PIEZO2: variants seen among roughly 807,000 people sequenced by gnomAD.
PIEZO2 encodes piezo-type mechanosensitive ion channel component 2.
PIEZO2 carries 172 observed loss-of-function variants against 337.3 expected under a neutral mutation model. The ratio of observed to expected loss-of-function variants is 0.51; its 90% confidence interval spans 0.45 to 0.58. PIEZO2 has a LOEUF of 0.58. Among genes scored for constraint, PIEZO2 ranks in the 20% least tolerant of loss-of-function variants. The pLI, the probability that PIEZO2 is intolerant of heterozygous loss-of-function variation, is 0.00. For missense variants in PIEZO2, 3,028 were observed against 3,391.3 expected (o/e 0.89, Z 2.66); for synonymous variants, 1,251 against 1,228.5 (o/e 1.02, Z -0.38).
At chr18:10,810,284 G>T (rs530041006) in intron 7 of PIEZO2, among the ~76,000 whole-genome samples, 2 of 152,260 alleles carry the variant, frequency 1.3e-5, no homozygotes, top group African/African-American at 4.8e-5. Context: ...GAGATGATCA[G>T]TCCCCAGTAG....
At chr18:11,114,322 A>G (rs1256696401) in intron 1 of PIEZO2, among the ~76,000 whole-genome samples, 1 of 152,202 alleles carries the variant, frequency 6.6e-6, no homozygotes, top group African/African-American at 2.4e-5. Context: ...CTTTACAATG[A>G]CAAGAAAGAG....
In PIEZO2 at chr18:10,766,061, G is replaced by T. The variant is rs905759630; in HGVS notation, c.2947-2963C>A. Among the ~76,000 whole-genome samples the T allele has an allele frequency of 6.6e-6, 1 of 152,026 alleles. No individual in the cohort carries two copies. Among genetic ancestry groups the T allele is most frequent in the African/African-American group, 2.4e-5 (1 of 41,384 alleles). On this transcript the variant is annotated intron_variant, in intron 21 of 55. Transcript: ENST00000674853. The surrounding 1 kb of genome is among the most constrained non-coding windows in gnomAD (Gnocchi z 6.1). The stretch of plus-strand genomic sequence containing the variant: ...TATCATTTTACAAATAGAAAAACTG[G>T]GGCTCAGTGAATGAAGTATGATACT...
rs2031978601 is a variant in PIEZO2, at chr18:10,929,933, C to T, written c.287-18705G>A. Among the ~76,000 whole-genome samples, 1 of 152,164 alleles carries T rather than the reference C, an allele frequency of 6.6e-6. No individual in the cohort carries two copies. On this transcript the variant is annotated intron_variant, in intron 3 of 55. Coordinates refer to ENST00000674853, the MANE Select transcript of PIEZO2 (RefSeq NM_001378183.1). The surrounding 1 kb of genome is among the most constrained non-coding windows in gnomAD (Gnocchi z 5.6). ...ACAATGACAGGAAGGTGGGGTCCAA[C>T]ATGCCTCATTATACCCTCTTTCCTT...
rs1208699690 is a variant in PIEZO2, at chr18:10,862,483, AC to A, written c.493-5273del. On this transcript the variant is annotated intron_variant, in intron 5 of 55. Coordinates refer to ENST00000674853, the MANE Select transcript of PIEZO2 (RefSeq NM_001378183.1). The surrounding 1 kb of genome is among the most constrained non-coding windows in gnomAD (Gnocchi z 4.4). ...TCATCCCACAACATCCTCTCACCCT[AC>A]AGCAGTACTGGTTCCATTAAGCCGT... 1.3e-5 allele frequency among the ~76,000 whole-genome samples: 2 copies of A among 152,134 alleles called. No homozygotes were observed. The highest frequency in any genetic ancestry group is 2.9e-5 in the Non-Finnish European group (2 of 68,018).
chr18:11,037,839 T>C (rs1308117286), intron 2 of PIEZO2, among the ~76,000 whole-genome samples: 1 of 152,254 alleles, frequency 6.6e-6, no homozygotes, highest in Non-Finnish European at 1.5e-5. Flanking sequence ...ACAGGGGCTA[T>C]AATATGCAAA....
At chr18:10,809,148 C>T (rs2040094530) in intron 7 of PIEZO2, among the ~76,000 whole-genome samples, 1 of 151,190 alleles carries the variant, frequency 6.6e-6, no homozygotes, top group Non-Finnish European at 1.5e-5. Context: ...AATGTATAGA[C>T]CTAAAAAAAT....
At chr18:10,836,561 A>C (rs1407781240) in intron 7 of PIEZO2, among the ~76,000 whole-genome samples, 1 of 152,224 alleles carries the variant, frequency 6.6e-6, no homozygotes, top group African/African-American at 2.4e-5. Flanking sequence ...CTTTGTGGCT[A>C]ATTACTAGGT....
intron 2 of PIEZO2, among the ~76,000 whole-genome samples, chr18:10,985,751 G>C (rs1343788487): frequency 6.6e-6 from 1 of 151,802 alleles, no homozygotes; most frequent in African/African-American, 2.4e-5. Context: ...AGATATAAAG[G>C]AATCAAAGCA....
Position 11,129,177 on chromosome 18 carries a change from G to T in PIEZO2, c.64+19348C>A, listed in dbSNP as rs2040267727. ...GCATCCCAGCTGAGAGGGTCCAGAA[G>T]ATATACCCTTGACCAATGCCTTGTG... On this transcript the variant is annotated intron_variant, in intron 1 of 55. Transcript: ENST00000674853. The surrounding 1 kb of genome is among the most constrained non-coding windows in gnomAD (Gnocchi z 4.6). 6.6e-6 allele frequency among the ~76,000 whole-genome samples: 1 copy of T among 152,158 alleles called. No individual in the cohort carries two copies. The highest frequency in any genetic ancestry group is 1.5e-5 in the Non-Finnish European group (1 of 68,034).
At position 11,128,052 on chromosome 18, in the gene PIEZO2, T is replaced by G. The variant is rs937674007; in HGVS notation, c.64+20473A>C. Reference sequence around the variant, plus strand: ...GAACTGTTTAGAGAGTTACACAAAATAAATGCATTTGACACTCCTGATTCA... The same window carrying G: ...GAACTGTTTAGAGAGTTACACAAAAGAAATGCATTTGACACTCCTGATTCA... On this transcript the variant is annotated intron_variant, in intron 1 of 55. Coordinates refer to ENST00000674853, the MANE Select transcript of PIEZO2 (RefSeq NM_001378183.1). The surrounding 1 kb of genome is among the most constrained non-coding windows in gnomAD (Gnocchi z 4.1). Among the ~76,000 whole-genome samples the G allele has an allele frequency of 6.6e-6, 1 of 152,028 alleles. No individual in the cohort carries two copies. The highest frequency in any genetic ancestry group is 1.5e-5 in the Non-Finnish European group (1 of 67,992).
chr18:10,842,831 G>A (rs535467032), intron 7 of PIEZO2, among the ~76,000 whole-genome samples: 37 of 152,316 alleles, frequency 2.4e-4, no homozygotes, highest in Admixed American at 4.6e-4. Context: ...CAATAAAGCT[G>A]TTAAGAAAAA....
chr18:10,774,753 C>T (rs966885692), intron 18 of PIEZO2, among the ~76,000 whole-genome samples: 23 of 152,142 alleles, frequency 1.5e-4, no homozygotes, highest in Non-Finnish European at 7.3e-5. Flanking sequence ...ATAAAGTCTA[C>T]ATTAAGAAAA....
At position 11,045,671 on chromosome 18, in the gene PIEZO2, C is replaced by T. The variant is rs139886556; in HGVS notation, c.160+20456G>A. 2.6e-5 allele frequency among the ~76,000 whole-genome samples: 4 copies of T among 152,222 alleles called. No homozygotes were observed. In the East Asian group the frequency reaches 7.7e-4, roughly 29 times the overall value. On this transcript the variant is annotated intron_variant, in intron 2 of 55. Transcript: ENST00000674853. ...CAAATTTTTTGCAGTCTGTGCATGC[C>T]CAAGAATGACCCTGAAAGCATTTTC...
intron 3 of PIEZO2, among the ~76,000 whole-genome samples, chr18:10,964,661 A>G (rs1598752987): frequency 2.0e-5 from 3 of 152,342 alleles, no homozygotes; most frequent in Admixed American, 2.0e-4. Flanking sequence ...TGATGGCAGT[A>G]CTTGTTCACC....
At chr18:10,987,713 G>A (rs1409802384) in intron 2 of PIEZO2, among the ~76,000 whole-genome samples, 1 of 151,756 alleles carries the variant, frequency 6.6e-6, no homozygotes, top group Non-Finnish European at 1.5e-5. Flanking sequence ...GAAATTTAAC[G>A]ACTTCTGCAC....
rs570428287 is a variant in PIEZO2, at chr18:10,767,589, G to A, written c.2946+2559C>T. On this transcript the variant is annotated intron_variant, in intron 21 of 55. Transcript: ENST00000674853. This position sits in a 1 kb window ranked among gnomAD's most constrained non-coding sequence, Gnocchi z 4.2. ...CTCGGAGCCCGATGCGTGAACCCTG[G>A]AGCTTGGGCACTGGTACCCATGGGG... 6.6e-6 allele frequency among the ~76,000 whole-genome samples: 1 copy of A among 152,292 alleles called. No homozygotes were observed. The highest frequency in any genetic ancestry group is 1.9e-4 in the East Asian group (1 of 5,180).
intron 7 of PIEZO2, among the ~76,000 whole-genome samples, chr18:10,841,027 T>C (rs766249412): frequency 8.5e-5 from 13 of 152,144 alleles, no homozygotes; most frequent in Non-Finnish European, 1.6e-4. Context: ...TCTGAGATGA[T>C]TTGTAGAGGA....
chr18:10,777,839 T>C (rs570070031), intron 18 of PIEZO2, among the ~76,000 whole-genome samples: 1 of 152,344 alleles, frequency 6.6e-6, no homozygotes, highest in African/African-American at 2.4e-5. Context: ...AGATAAATTA[T>C]TATCTAGAAC....
At chr18:10,844,800 A>G (rs1383034506) in intron 7 of PIEZO2, among the ~76,000 whole-genome samples, 1 of 151,750 alleles carries the variant, frequency 6.6e-6, no homozygotes, top group African/African-American at 2.4e-5. Context: ...AAAAAAAAAA[A>G]AAAAAGTACC....
Sources: allele counts gnomAD v4.1 joint callset (sites outside exome capture counted in the v4.1 genomes callset), GRCh38; gene constraint gnomAD v4.1.1; non-coding constraint Gnocchi (gnomAD v3.1); transcripts MANE v1.5; gene names NCBI Gene and HGNC (gene_info 2026-07-23, HGNC 2026-07-21).